The following TDRD9 variants were observed in gnomAD, a reference collection of about 807,000 sequenced individuals.
TDRD9 encodes the protein ATP-dependent RNA helicase TDRD9.
A neutral mutation model predicts 172.6 loss-of-function variants in TDRD9; 124 were observed. The observed-to-expected ratio is 0.72, with a 90% CI of 0.62 to 0.83. The LOEUF (loss-of-function observed/expected upper bound fraction) is 0.83. Ranked by LOEUF, TDRD9 falls within the 40% of genes least tolerant of loss-of-function variation. TDRD9 has a pLI of 0.00. For missense variants in TDRD9, 1,479 were observed against 1,714.1 expected, an observed-to-expected ratio of 0.86 and a Z score of 2.42; for synonymous variants, 619 against 617.1, an observed-to-expected ratio of 1.00 and a Z score of -0.05.
Position 104,026,145 on chromosome 14 carries a change from G to T in TDRD9, c.3021+9G>T. 6.4e-7 allele frequency: 1 copy of T among 1,558,634 alleles called. No homozygotes were observed. Among genetic ancestry groups the T allele is most frequent in the South Asian group, 1.1e-5 (1 of 89,860 alleles). On this transcript the variant is annotated intron_variant, in intron 27 of 35. Transcript: ENST00000409874. ...TTGAACTTCCTTTCCAGGTAAGGTAGAGAAGACTCTAGGGAATGAATGCTG... is the reference window on the plus strand; with the variant it reads ...TTGAACTTCCTTTCCAGGTAAGGTATAGAAGACTCTAGGGAATGAATGCTG...
intron 1 of TDRD9, among the ~76,000 whole-genome samples, chr14:103,934,364 G>A (rs527264669): frequency 1.2e-3 from 178 of 152,314 alleles, no homozygotes; most frequent in Admixed American, 2.3e-3. Flanking sequence ...CATTTATTCA[G>A]TAATTTTCCC....
chr14:104,041,989 G>T (rs990835796), intron 33 of TDRD9, 80 bp from the exon 34 acceptor site: 1 of 961,418 alleles, frequency 1.0e-6, no homozygotes, highest in Non-Finnish European at 1.7e-6. Context: ...TACTAACTCT[G>T]AATGCTATGA....
chr14:103,991,281 T>A (rs2033854206), intron 9 of TDRD9, 57 bp downstream of exon 9: 1 of 1,566,920 alleles, frequency 6.4e-7, no homozygotes, highest in Admixed American at 1.7e-5. Flanking sequence ...AGAGGCTAAG[T>A]TTGTGCCTAA....
chr14:104,035,322 G>C (rs1015526430), intron 32 of TDRD9, among the ~76,000 whole-genome samples: 1 of 152,176 alleles, frequency 6.6e-6, no homozygotes, highest in African/African-American at 2.4e-5. Context: ...TAAAAATGGA[G>C]CTAGGAATGA....
chr14:103,971,471 AT>A (rs1024985768), intron 6 of TDRD9, among the ~76,000 whole-genome samples: 29 of 148,964 alleles, frequency 1.9e-4, no homozygotes, highest in South Asian at 4.3e-4. Flanking sequence ...TGCCAGGCTA[AT>A]TTTTTTTTTG....
At chr14:104,049,429 G>A in intron 34 of TDRD9, 179 bp from the exon 35 acceptor site, 1 of 475,426 alleles carries the variant, frequency 2.1e-6, no homozygotes, top group East Asian at 3.9e-5. Flanking sequence ...TTCTGCTTTT[G>A]AATATGCCAT....
chr14:103,996,915 ACCT>A (rs893950904), intron 12 of TDRD9, among the ~76,000 whole-genome samples: 6 of 152,134 alleles, frequency 3.9e-5, no homozygotes, highest in African/African-American at 1.4e-4. Context: ...TCGGGTCCAT[ACCT>A]GGCAAAAGAG....
At chr14:104,043,777 T>C (rs2035679620) in intron 34 of TDRD9, among the ~76,000 whole-genome samples, 2 of 152,222 alleles carry the variant, frequency 1.3e-5, no homozygotes, top group African/African-American at 4.8e-5. Context: ...AGTTGTGCAG[T>C]CTGTCAACAC....
chr14:104,000,795 A>G (rs1456698035), intron 13 of TDRD9, among the ~76,000 whole-genome samples: 2 of 152,338 alleles, frequency 1.3e-5, no homozygotes, highest in Non-Finnish European at 2.9e-5. Context: ...AAAAAAAACA[A>G]AAACCTCAAT....
At chr14:103,940,512 G>T (rs901337864) in intron 1 of TDRD9, 10 of 255,660 alleles carry the variant, frequency 3.9e-5, no homozygotes, top group Admixed American at 9.8e-5. Context: ...TACAGAATTT[G>T]TCAGACTTCA....
At position 103,928,470 on chromosome 14, in the gene TDRD9, G is replaced by T; in HGVS notation, c.-40G>T. On this transcript the variant is annotated 5_prime_UTR_variant, in exon 1 of 36. Coordinates refer to ENST00000409874, the MANE Select transcript of TDRD9 (RefSeq NM_153046.3). Reference sequence around the variant, plus strand: ...CGCCGTCGCCTGTTCCCGCCGCGGAGACCCGGCAGTTGGGGGATGCCGACG... The same window carrying T: ...CGCCGTCGCCTGTTCCCGCCGCGGATACCCGGCAGTTGGGGGATGCCGACG... 1 of 1,426,338 alleles carries T rather than the reference G, an allele frequency of 7.0e-7. No individual in the cohort carries two copies. The highest frequency in any genetic ancestry group is 1.3e-5 in the South Asian group (1 of 74,338). The allele number at this position is 1,426,338 out of a possible 1,614,324, so 88.4% of individuals were successfully genotyped here. A position where few individuals can be genotyped will look rare whatever the true frequency, so the allele number is the denominator to read the frequency against.
At chr14:103,971,898 G>A (rs912558858) in intron 6 of TDRD9, among the ~76,000 whole-genome samples, 1 of 152,190 alleles carries the variant, frequency 6.6e-6, no homozygotes, top group African/African-American at 2.4e-5. Flanking sequence ...GCTCACGCCT[G>A]TAATCCCAGC....
rs2033659976 is a variant in TDRD9, at chr14:103,986,329, T to TA, written c.1115+10dup. ...GATATGAAGGAGAGTGGGTAAGAGATACTTCAGTTGGTAATGCACTTTAAT... is the reference window on the plus strand; with the variant it reads ...GATATGAAGGAGAGTGGGTAAGAGATAACTTCAGTTGGTAATGCACTTTAAT... On this transcript the variant is annotated intron_variant, in intron 8 of 35. Coordinates refer to ENST00000409874, the MANE Select transcript of TDRD9 (RefSeq NM_153046.3). The TA allele has an allele frequency of 1.3e-6, 2 of 1,580,816 alleles. No individual in the cohort carries two copies. The highest frequency in any genetic ancestry group is 3.5e-5 in the Admixed American group (2 of 57,356).
Position 103,945,881 on chromosome 14 carries a change from C to T in TDRD9, c.216-9783C>T, listed in dbSNP as rs530284399. On this transcript the variant is annotated intron_variant, in intron 1 of 35. Coordinates refer to ENST00000409874, the MANE Select transcript of TDRD9 (RefSeq NM_153046.3). ...GCCAGACATAACTTTTTATATATTACAATCAGGGCTGCTTTATATAGTATT... is the reference window on the plus strand; with the variant it reads ...GCCAGACATAACTTTTTATATATTATAATCAGGGCTGCTTTATATAGTATT... 2.0e-4 allele frequency among the ~76,000 whole-genome samples: 31 copies of T among 152,080 alleles called. No individual in the cohort carries two copies. The South Asian group carries it at 6.0e-3, about 30-fold the overall frequency.
At chr14:104,014,339 A>C (rs1475158002) in intron 20 of TDRD9, among the ~76,000 whole-genome samples, 1 of 151,218 alleles carries the variant, frequency 6.6e-6, no homozygotes, top group Non-Finnish European at 1.5e-5. Context: ...TAGTACAGTG[A>C]CACAATCTTG....
chr14:103,963,229 C>A, intron 3 of TDRD9, 53 bp downstream of exon 3: 2 of 1,285,514 alleles, frequency 1.6e-6, no homozygotes, highest in South Asian at 1.4e-5. Context: ...ATGTCTGAGG[C>A]CCAATACTTT....
intron 13 of TDRD9, among the ~76,000 whole-genome samples, chr14:104,000,439 C>G (rs10148711): frequency 2.4e-4 from 36 of 151,888 alleles, no homozygotes; most frequent in African/African-American, 8.2e-4. Context: ...AAACACCTCA[C>G]TATGTTTAAC....
chr14:103,929,231 GC>G (rs1282936339), intron 1 of TDRD9, among the ~76,000 whole-genome samples: 2 of 150,892 alleles, frequency 1.3e-5, no homozygotes, highest in Non-Finnish European at 3.0e-5. Flanking sequence ...GATCTTCTCG[GC>G]CCCACTGTTC....
intron 1 of TDRD9, among the ~76,000 whole-genome samples, chr14:103,946,959 T>C (rs2031591668): frequency 6.6e-6 from 1 of 152,254 alleles, no homozygotes; most frequent in Non-Finnish European, 1.5e-5. Flanking sequence ...ATGTCAGTAC[T>C]ACACGATGTG....
Sources: gnomAD v4.1 joint callset for allele counts (sites outside exome capture counted in the v4.1 genomes callset) on GRCh38, gnomAD v4.1.1 for gene constraint, MANE v1.5 for transcripts, NCBI Gene and HGNC (gene_info 2026-07-23, HGNC 2026-07-21) for gene names.